Variants in PRIM2 observed in about 807,000 individuals in gnomAD.
The protein encoded by PRIM2 is DNA primase large subunit.
In PRIM2, 39 loss-of-function variants were observed where a neutral mutation model predicts 67.3. The observed-to-expected ratio is 0.58, with a 90% CI of 0.45 to 0.76. The LOEUF (loss-of-function observed/expected upper bound fraction) is 0.76, where lower values mean the gene tolerates loss of function less well. PRIM2 is among the 30% of genes least tolerant of loss of function. The pLI, the probability that PRIM2 is intolerant of heterozygous loss-of-function variation, is 0.00. For missense variants in PRIM2, 398 were observed against 598.7 expected, an observed-to-expected ratio of 0.66 and a Z score of 3.50; for synonymous variants, 143 against 198.7, an observed-to-expected ratio of 0.72 and a Z score of 2.36.
chr6:57,609,192 T>C (rs2127493734), intron 12 of PRIM2, among the ~76,000 whole-genome samples: 1 of 152,110 alleles, frequency 6.6e-6, no homozygotes, highest in Admixed American at 6.5e-5. Flanking sequence ...AAATAGGAAC[T>C]CAAAGACAAA....
chr6:57,499,492 A>G (rs1233875541), intron 7 of PRIM2, among the ~76,000 whole-genome samples: 4 of 152,208 alleles, frequency 2.6e-5, no homozygotes, highest in African/African-American at 9.6e-5. Flanking sequence ...AACCTGTCTT[A>G]TATCTGAAGA....
At chr6:57,519,317 C>T (rs1395781873) in intron 8 of PRIM2, among the ~76,000 whole-genome samples, 1 of 152,172 alleles carries the variant, frequency 6.6e-6, no homozygotes, top group Non-Finnish European at 1.5e-5. Context: ...CAGGAATTTC[C>T]TCTTCCTAAT....
chr6:57,517,020 C>T (rs1256593622), intron 8 of PRIM2, among the ~76,000 whole-genome samples: 1 of 152,130 alleles, frequency 6.6e-6, no homozygotes, highest in Non-Finnish European at 1.5e-5. Flanking sequence ...TCCCTTAGTC[C>T]TCTGACTCCA....
chr6:57,324,368 T>C (rs950094444), intron 4 of PRIM2, 88 bp downstream of exon 4: 6 of 734,068 alleles, frequency 8.2e-6, no homozygotes, highest in African/African-American at 5.3e-5. Context: ...GTGCTAAACA[T>C]AGGAAAACCC....
In PRIM2 at chr6:57,498,374, T is replaced by C. The variant is rs1774052848; in HGVS notation, c.694-9013T>C. Among the ~76,000 whole-genome samples, 4 of 152,176 alleles carry C rather than the reference T, an allele frequency of 2.6e-5. No individual in the cohort carries two copies. The South Asian group carries it at 8.3e-4, about 32-fold the overall frequency. On this transcript the variant is annotated intron_variant, in intron 7 of 13. Coordinates refer to ENST00000615550, the MANE Select transcript of PRIM2 (RefSeq NM_000947.5). ...GAAATGAGGAGAATGCAAAGACATT[T>C]TGAAAAATATTCCCTATTTATTTTC...
intron 7 of PRIM2, among the ~76,000 whole-genome samples, chr6:57,483,165 C>T: frequency 1.3e-5 from 2 of 152,284 alleles, no homozygotes; most frequent in Middle Eastern, 6.8e-3. Flanking sequence ...GCCTCGGCCT[C>T]CCAAAGTGCT....
At chr6:57,631,550 C>T (rs1777038540) in intron 12 of PRIM2, among the ~76,000 whole-genome samples, 1 of 152,122 alleles carries the variant, frequency 6.6e-6, no homozygotes, top group South Asian at 2.1e-4. Flanking sequence ...TCATATTCTG[C>T]TGAGCTTTGC....
At chr6:57,269,244 C>A in the PRIM2 span, among the ~76,000 whole-genome samples, 1 of 151,784 alleles carries the variant, frequency 6.6e-6, no homozygotes, top group Admixed American at 6.6e-5. Flanking sequence ...GTTTACAGTC[C>A]CACCAACAGT....
chr6:57,298,930 C>T, the PRIM2 span, among the ~76,000 whole-genome samples: 2 of 152,076 alleles, frequency 1.3e-5, no homozygotes, highest in Non-Finnish European at 2.9e-5. Flanking sequence ...GTCACCAAGC[C>T]CTGCCAATTA....
At chr6:57,253,090 G>A in the PRIM2 span, among the ~76,000 whole-genome samples, 7 of 152,168 alleles carry the variant, frequency 4.6e-5, no homozygotes, top group Admixed American at 1.3e-4. Context: ...TTTAGCCAGG[G>A]AAAGGAGAGT....
rs1359870386 is a variant in PRIM2 at position 57,483,209 on chromosome 6, A to AT, written c.694-24169dup. Among the ~76,000 whole-genome samples, 1,054 of 151,720 alleles carry AT rather than the reference A, an allele frequency of 6.9e-3. 9 individuals are homozygous for AT. The highest frequency in any genetic ancestry group is 9.2e-3 in the Non-Finnish European group (623 of 67,856). ...AGGCATGAGCCACTGCGCCCGGATGATTTTTTTTTATAAGACATTTTGGAT... is the reference window on the plus strand; with the variant it reads ...AGGCATGAGCCACTGCGCCCGGATGATTTTTTTTTTATAAGACATTTTGGAT... On this transcript the variant is annotated intron_variant, in intron 7 of 13. Transcript: ENST00000615550.
At chr6:57,288,071 A>C in the PRIM2 span, among the ~76,000 whole-genome samples, 1 of 152,182 alleles carries the variant, frequency 6.6e-6, no homozygotes, top group Non-Finnish European at 1.5e-5. Flanking sequence ...CTCCTGCTCA[A>C]ATACTGTGCT....
intron 10 of PRIM2, among the ~76,000 whole-genome samples, chr6:57,554,546 C>T (rs1415963520): frequency 0.013 from 2,019 of 152,142 alleles, 39 homozygotes; most frequent in African/African-American, 0.046. Flanking sequence ...CTTTCCTGAG[C>T]ACCTTAGCCA....
intron 7 of PRIM2, among the ~76,000 whole-genome samples, chr6:57,412,941 GTCTTA>G (rs1771140188): frequency 6.6e-6 from 1 of 152,088 alleles, no homozygotes; most frequent in South Asian, 2.1e-4. Flanking sequence ...AAGAACCATA[GTCTTA>G]TCTTCTCCTT....
chr6:57,585,145 A>C (rs1318140181), intron 10 of PRIM2, among the ~76,000 whole-genome samples: 4 of 152,210 alleles, frequency 2.6e-5, no homozygotes, highest in Non-Finnish European at 5.9e-5. Flanking sequence ...GAGTAACTAG[A>C]TGCAGATTTT....
chr6:57,585,472 G>A (rs1339277393), intron 10 of PRIM2, among the ~76,000 whole-genome samples: 1 of 152,172 alleles, frequency 6.6e-6, no homozygotes, highest in Non-Finnish European at 1.5e-5. Context: ...GAGCAAGGTG[G>A]CATTAATGGA....
At chr6:57,406,420 T>TG (rs1451612953) in intron 7 of PRIM2, among the ~76,000 whole-genome samples, 1 of 152,190 alleles carries the variant, frequency 6.6e-6, no homozygotes, top group African/African-American at 2.4e-5. Flanking sequence ...CTGATTTACA[T>TG]GCATTGAGAG....
chr6:57,613,811 A>G (rs1348707663), intron 12 of PRIM2, among the ~76,000 whole-genome samples: 1 of 152,120 alleles, frequency 6.6e-6, no homozygotes, highest in East Asian at 1.9e-4. Flanking sequence ...TTTATTATGG[A>G]CAGTAAGTAT....
intron 7 of PRIM2, among the ~76,000 whole-genome samples, chr6:57,470,547 T>C (rs1773314634): frequency 1.3e-5 from 2 of 149,282 alleles, no homozygotes; most frequent in African/African-American, 5.0e-5. Context: ...GCTGCTTAGG[T>C]AGAATAATGT....
Sources: gnomAD v4.1 joint callset for allele counts (sites outside exome capture counted in the v4.1 genomes callset) on GRCh38, gnomAD v4.1.1 for gene constraint, MANE v1.5 for transcripts, NCBI Gene and HGNC (gene_info 2026-07-23, HGNC 2026-07-21) for gene names.